The following PRELID2 variants were observed in gnomAD, a reference collection of about 807,000 sequenced individuals.
PRELID2 encodes PRELI domain-containing protein 2.
In PRELID2, 25 loss-of-function variants were observed where a neutral mutation model predicts 28.4. That is an observed-to-expected ratio of 0.88 (90% CI 0.64 to 1.23). The LOEUF is 1.23. Ranked by LOEUF, PRELID2 falls within the 50% of genes most tolerant of loss-of-function variation. PRELID2 has a pLI of 0.00. For missense variants in PRELID2, 201 were observed against 214.4 expected (o/e 0.94, Z 0.39); for synonymous variants, 76 against 71.6 (o/e 1.06, Z -0.31).
chr5:145,598,152 G>A (rs118110900), intron 1 of PRELID2, among the ~76,000 whole-genome samples: 325 of 152,214 alleles, frequency 2.1e-3, no homozygotes, highest in African/African-American at 6.8e-3. Flanking sequence ...TTTGTGATCC[G>A]GAGGGAATGT....
the PRELID2 span, among the ~76,000 whole-genome samples, chr5:145,237,787 T>A: frequency 6.6e-6 from 1 of 152,102 alleles, no homozygotes; most frequent in African/African-American, 2.4e-5. Flanking sequence ...GCATAAATAC[T>A]TATTTTTTCT....
chr5:145,463,301 TGTCTCC>T, the PRELID2 span, among the ~76,000 whole-genome samples: 2 of 151,732 alleles, frequency 1.3e-5, no homozygotes, highest in African/African-American at 4.8e-5. Flanking sequence ...TTCAAAAGGA[TGTCTCC>T]TAATCATTTT....
At chr5:145,262,185 A>C in the PRELID2 span, among the ~76,000 whole-genome samples, 1 of 151,998 alleles carries the variant, frequency 6.6e-6, no homozygotes, top group African/African-American at 2.4e-5. Flanking sequence ...AAAGCCTCTA[A>C]GAAATTTGGG....
At chr5:145,444,704 A>G in the PRELID2 span, among the ~76,000 whole-genome samples, 1 of 152,028 alleles carries the variant, frequency 6.6e-6, no homozygotes, top group African/African-American at 2.4e-5. Flanking sequence ...ATATACAGCT[A>G]CACAATGAGA....
chr5:145,408,148 C>A, the PRELID2 span, among the ~76,000 whole-genome samples: 1 of 152,136 alleles, frequency 6.6e-6, no homozygotes, highest in East Asian at 1.9e-4. Flanking sequence ...AAAATCTGAA[C>A]CGCAGCCCTT....
At chr5:145,602,126 C>A (rs1753407138) in intron 1 of PRELID2, among the ~76,000 whole-genome samples, 1 of 152,110 alleles carries the variant, frequency 6.6e-6, no homozygotes, top group Non-Finnish European at 1.5e-5. Flanking sequence ...CAAAGATATG[C>A]AGATTCTGGT....
chr5:145,415,228 TC>T, the PRELID2 span, among the ~76,000 whole-genome samples: 1 of 152,140 alleles, frequency 6.6e-6, no homozygotes, highest in Admixed American at 6.6e-5. Context: ...CCTGAATGAC[TC>T]TTTTTTTTGT....
intron 5 of PRELID2, among the ~76,000 whole-genome samples, chr5:145,772,325 T>C (rs1381692179): frequency 1.3e-5 from 2 of 152,044 alleles, no homozygotes; most frequent in African/African-American, 2.4e-5. Context: ...CTTACTACAC[T>C]GTGGGGATGG....
chr5:145,525,794 G>T (rs903930094), intron 1 of PRELID2, among the ~76,000 whole-genome samples: 4 of 152,152 alleles, frequency 2.6e-5, no homozygotes, highest in Non-Finnish European at 5.9e-5. Flanking sequence ...ACTGGGGTTT[G>T]GAATAAATCT....
the PRELID2 span, among the ~76,000 whole-genome samples, chr5:145,418,618 C>G: frequency 6.6e-6 from 1 of 152,202 alleles, no homozygotes; most frequent in Admixed American, 6.5e-5. Flanking sequence ...TTCCACAAAC[C>G]TGACAAAAAC....
chr5:145,769,989 C>T (rs944882593), intron 5 of PRELID2, among the ~76,000 whole-genome samples: 7 of 152,188 alleles, frequency 4.6e-5, no homozygotes, highest in Admixed American at 1.3e-4. Flanking sequence ...TCCCACAGGA[C>T]TGTATAGGAG....
At chr5:145,808,358 C>A (rs748804846) in intron 4 of PRELID2, among the ~76,000 whole-genome samples, 11 of 151,938 alleles carry the variant, frequency 7.2e-5, no homozygotes, top group East Asian at 5.8e-4. Flanking sequence ...GGAAAAAAAA[C>A]CAAAAAGACT....
At chr5:145,328,284 C>T in the PRELID2 span, among the ~76,000 whole-genome samples, 1 of 152,094 alleles carries the variant, frequency 6.6e-6, no homozygotes, top group Non-Finnish European at 1.5e-5. Context: ...ATTTATAATC[C>T]TTTTGGTATA....
chr5:145,290,091 C>G, the PRELID2 span, among the ~76,000 whole-genome samples: 1 of 152,136 alleles, frequency 6.6e-6, no homozygotes, highest in African/African-American at 2.4e-5. Flanking sequence ...ATTAAAAAGT[C>G]AGGGAACAAC....
At chr5:145,425,135 A>T in the PRELID2 span, among the ~76,000 whole-genome samples, 1 of 152,168 alleles carries the variant, frequency 6.6e-6, no homozygotes, top group East Asian at 1.9e-4. Flanking sequence ...AGACATACGT[A>T]TGGCCAAGAA....
chr5:145,680,587 G>A (rs1298835953), intron 1 of PRELID2, among the ~76,000 whole-genome samples: 1 of 152,190 alleles, frequency 6.6e-6, no homozygotes, highest in Non-Finnish European at 1.5e-5. Context: ...TTTGTTAATA[G>A]GGAAAAGTAG....
intron 5 of PRELID2, among the ~76,000 whole-genome samples, chr5:145,790,367 A>G (rs1424588374): frequency 1.3e-5 from 2 of 152,192 alleles, no homozygotes; most frequent in Non-Finnish European, 2.9e-5. Flanking sequence ...CCTGGAGAAC[A>G]TTATGTTAAG....
chr5:145,367,102 G>C, the PRELID2 span, among the ~76,000 whole-genome samples: 7 of 151,696 alleles, frequency 4.6e-5, no homozygotes, highest in South Asian at 1.5e-3. Flanking sequence ...TGTTTCCTCT[G>C]TCTGCACTTT....
intron 1 of PRELID2, among the ~76,000 whole-genome samples, chr5:145,824,173 A>C (rs7725012): frequency 0.041 from 6,276 of 152,170 alleles, 424 homozygotes; most frequent in African/African-American, 0.14. Flanking sequence ...GCTGCTGACC[A>C]AAGCCTACTG....
Sources: allele counts gnomAD v4.1 joint callset (sites outside exome capture counted in the v4.1 genomes callset), GRCh38; gene constraint gnomAD v4.1.1; transcripts MANE v1.5; gene names NCBI Gene and HGNC (gene_info 2026-07-23, HGNC 2026-07-21).